Variants in SMG1 observed in about 807,000 individuals in gnomAD.
The protein encoded by SMG1 is SMG1 nonsense mediated mRNA decay associated PI3K related kinase, also known as serine/threonine-protein kinase SMG1.
In SMG1, 22 loss-of-function variants were observed where a neutral mutation model predicts 419.9. The observed-to-expected ratio is 0.05, with a 90% confidence interval of 0.04 to 0.07. SMG1 has a LOEUF of 0.07. Ranked by LOEUF, SMG1 falls within the 10% of genes least tolerant of loss-of-function variation. The probability of loss-of-function intolerance (pLI) is 1.00; values close to 1 mark genes in which losing one functional copy is unlikely to be tolerated. For missense variants in SMG1, 3,185 were observed against 4,342.0 expected (o/e 0.73, Z 7.49); for synonymous variants, 1,538 against 1,553.5 (o/e 0.99, Z 0.23).
rs77477559 is a variant in SMG1 at position 18,835,539 on chromosome 16, G to A, written c.8058-375C>T. On this transcript the variant is annotated intron_variant, in intron 48 of 62. Transcript: ENST00000446231. ...GCCCGTGGTCCCAGCTACTTGGGAG[G>A]CTGAAGTGGGAGGATCACCTGAGCC... Among the ~76,000 whole-genome samples the A allele has an allele frequency of 2.2e-4, 34 of 152,310 alleles. No homozygotes were observed. The East Asian group carries it at 5.0e-3, about 22-fold the overall frequency.
chr16:18,850,206 A>G, intron 34 of SMG1, 31 bp downstream of exon 34: 1 of 1,580,256 alleles, frequency 6.3e-7, no homozygotes. Context: ...AGTTTCCAAA[A>G]TAAATTTTCT....
At position 18,829,392 on chromosome 16, in the gene SMG1, T is replaced by G; in HGVS notation, c.9497A>C (p.Tyr3166Ser). 1 of 1,614,036 alleles carries G rather than the reference T, an allele frequency of 6.2e-7. No individual in the cohort carries two copies. The highest frequency in any genetic ancestry group is 8.5e-7 in the Non-Finnish European group (1 of 1,179,890). The change falls in exon 54 of 63, where the codon TAC (tyrosine) becomes TCC (serine). Residue 3166 changes from tyrosine to serine, a missense_variant. Physicochemically the swap from Tyr to Ser is moderately radical, Grantham distance 144. This residue lies in a region of SMG1 where 737 missense variants were observed against 846.6 expected (regional missense o/e 0.87). Transcript: ENST00000446231. ...MNRATVLASS[Y>S]DTAWKKHDLV... ...GTCATGCTTCTTCCAGGCAGTGTCG[T>G]AAGAACTTGCTAACACAGTTGCCCT...
In SMG1 at chr16:18,872,649, G is replaced by A. The variant is rs982235659; in HGVS notation, c.1891-25C>T. 2.0e-5 allele frequency: 27 copies of A among 1,353,232 alleles called. No individual in the cohort carries two copies. The African/African-American group carries it at 2.2e-4, about 11-fold the overall frequency. The allele number at this position is 1,353,232 out of a possible 1,614,324, so 83.8% of individuals were successfully genotyped here. ...TCTGATCATGTACAAAACAAAGTAA[G>A]TTTATGGCTTCTCCAAAATAAGCAC... On this transcript the variant is annotated intron_variant, in intron 13 of 62. Coordinates refer to ENST00000446231, the MANE Select transcript of SMG1 (RefSeq NM_015092.5).
chr16:18,809,627 T>C lies in SMG1; in HGVS notation c.10928A>G (p.Glu3643Gly). 1 of 1,607,778 alleles carries C rather than the reference T, an allele frequency of 6.2e-7. No individual in the cohort carries two copies. The highest frequency in any genetic ancestry group is 8.5e-7 in the Non-Finnish European group (1 of 1,176,826). The change falls in exon 63 of 63, where the codon GAA becomes GGA. Residue 3643 changes from glutamate to glycine, a missense_variant. Physicochemically the swap from Glu to Gly is moderately conservative, Grantham distance 98. Around this residue, in one of 27 missense-constraint regions of SMG1, gnomAD observed 41 missense variants for 78.7 expected, o/e 0.52. Transcript: ENST00000446231. The part of the protein sequence containing the change: ...VAEQVDYVIK[E>G]ATNLDNLAQL... ...AGCCAAGTTATCTAGATTAGTTGCTTCCTTAATGACATAGTCAACCTGTAA... is the reference window on the plus strand; with the variant it reads ...AGCCAAGTTATCTAGATTAGTTGCTCCCTTAATGACATAGTCAACCTGTAA...
At chr16:18,865,738 C>A (rs2141536205) in intron 23 of SMG1, among the ~76,000 whole-genome samples, 1 of 151,694 alleles carries the variant, frequency 6.6e-6, no homozygotes, top group Middle Eastern at 3.4e-3. Flanking sequence ...CCTGGGCTCA[C>A]AGCAACCTCC....
chr16:18,844,908 C>G (rs755520639), intron 39 of SMG1, among the ~76,000 whole-genome samples: 8 of 152,042 alleles, frequency 5.3e-5, no homozygotes, highest in Non-Finnish European at 1.0e-4. Flanking sequence ...ATTAAGAAAA[C>G]CAAAATATAA....
At chr16:18,826,875 G>A (rs1212297872) in intron 55 of SMG1, among the ~76,000 whole-genome samples, 1 of 46,742 alleles carries the variant, frequency 2.1e-5, no homozygotes, top group South Asian at 7.9e-4. Flanking sequence ...CCGCCTTGCA[G>A]TTTGATCTCA....
rs556456662 is a variant in SMG1 at position 18,815,380 on chromosome 16, T to C, written c.10514+60A>G. On this transcript the variant is annotated intron_variant, in intron 59 of 62. Coordinates refer to ENST00000446231, the MANE Select transcript of SMG1 (RefSeq NM_015092.5). The stretch of plus-strand genomic sequence containing the variant: ...TGAAAAATTAAATCAAGAGATAAAC[T>C]TCTTATACCAGTAGTTTTGTACTTA... 19 of 1,583,870 alleles carry C rather than the reference T, an allele frequency of 1.2e-5. No homozygotes were observed. The African/African-American group carries it at 2.3e-4, about 19-fold the overall frequency.
chr16:18,922,834 C>CT (rs903614471), intron 1 of SMG1, among the ~76,000 whole-genome samples: 3 of 152,012 alleles, frequency 2.0e-5, no homozygotes, highest in African/African-American at 7.2e-5. Context: ...AATCTCAACA[C>CT]TTTGGGAGAC....
chr16:18,897,122 A>G (rs981110486), intron 1 of SMG1, among the ~76,000 whole-genome samples, 166 bp from the exon 2 acceptor site: 6 of 152,246 alleles, frequency 3.9e-5, no homozygotes, highest in Non-Finnish European at 2.9e-5. Context: ...GAAGTCTTTC[A>G]CTGGGAAGAG....
In SMG1 at chr16:18,926,308, C is replaced by G. The variant is rs1419809866; in HGVS notation, c.-267G>C. On this transcript the variant is annotated 5_prime_UTR_variant, in exon 1 of 63. Coordinates refer to ENST00000446231, the MANE Select transcript of SMG1 (RefSeq NM_015092.5). The stretch of plus-strand genomic sequence containing the variant: ...GAGGCGGATGAAGGGGAGGCGACGT[C>G]TTTTCCAGGGCCGTGCGCGGCCCAC... 4.1e-6 allele frequency: 2 copies of G among 485,000 alleles called. No homozygotes were observed. The highest frequency in any genetic ancestry group is 7.2e-6 in the Non-Finnish European group (2 of 276,410). 30.0% of individuals were successfully genotyped at this position (485,000 alleles called of 1,614,324 possible).
At chr16:18,812,579 C>T (rs906934975) in intron 60 of SMG1, among the ~76,000 whole-genome samples, 2 of 149,480 alleles carry the variant, frequency 1.3e-5, no homozygotes, top group East Asian at 1.9e-4. Context: ...TATACACACA[C>T]ATATATATAC....
intron 1 of SMG1, 180 bp downstream of exon 1, chr16:18,925,768 CTT>C: frequency 4.2e-6 from 2 of 481,400 alleles, no homozygotes; most frequent in East Asian, 7.4e-5. Context: ...AGGGGAGGCA[CTT>C]AGGCCTCGCC....
chr16:18,848,346 C>A (rs1163478578), intron 36 of SMG1, among the ~76,000 whole-genome samples: 2 of 145,798 alleles, frequency 1.4e-5, no homozygotes, highest in Non-Finnish European at 3.0e-5. Context: ...GAAACAGGGT[C>A]TAGCTCTGTT....
Position 18,836,052 on chromosome 16 carries a change from G to A in SMG1, c.7938C>T (p.Thr2646=), listed in dbSNP as rs576584946. 52 of 1,600,116 alleles carry A rather than the reference G, an allele frequency of 3.2e-5. No individual in the cohort carries two copies. Among genetic ancestry groups the A allele is most frequent in the South Asian group, 1.0e-4 (9 of 88,606 alleles). Residue 2646 remains threonine, a synonymous_variant, in exon 48 of 63, where the codon ACC becomes ACT. Coordinates refer to ENST00000446231, the MANE Select transcript of SMG1 (RefSeq NM_015092.5). ...TGGCCTTCGGATACTGCAGGGCCAC[G>A]GTTGCATAGTGATGCAGTTGCTCCA... The part of the protein sequence containing the change: ...GCLEQLHHYA[T]VALQYPKAIF...
Position 18,805,265 on chromosome 16 carries a change from T to C in SMG1, c.*4304A>G, listed in dbSNP as rs907952497. 6.6e-6 allele frequency: 1 copy of C among 152,118 alleles called. No individual in the cohort carries two copies. Among genetic ancestry groups the C allele is most frequent in the African/African-American group, 2.4e-5 (1 of 41,422 alleles). The allele number at this position is 152,118 out of a possible 1,614,324, so 9.4% of individuals were successfully genotyped here. ...ACTTTAAAGAGGAGCTGAAACTTTG[T>C]CAAAAAAAGAAAAAACTATTAGCCT... On this transcript the variant is annotated 3_prime_UTR_variant, in exon 63 of 63. Coordinates refer to ENST00000446231, the MANE Select transcript of SMG1 (RefSeq NM_015092.5).
chr16:18,915,296 TA>T (rs1364520017), intron 1 of SMG1, among the ~76,000 whole-genome samples: 2 of 152,060 alleles, frequency 1.3e-5, no homozygotes, highest in African/African-American at 4.8e-5. Flanking sequence ...CTTTCTTCTG[TA>T]AAAAGATCTG....
rs1047026401 is a variant in SMG1 at position 18,860,710 on chromosome 16, T to C, written c.3762A>G (p.Gly1254=). The change falls in exon 26 of 63, where the codon GGA becomes GGG. Residue 1254 remains glycine (G), a synonymous_variant. Coordinates refer to ENST00000446231, the MANE Select transcript of SMG1 (RefSeq NM_015092.5). ...ECTEQLELLP[G]ENINLLAGGS... ...CTCCAGCAAGTAGATTGATATTTTC[T>C]CCTGGTAACAATTCTAACTGCTCGG... The C allele has an allele frequency of 7.1e-6, 11 of 1,560,274 alleles. No homozygotes were observed. Among genetic ancestry groups the C allele is most frequent in the African/African-American group, 1.4e-5 (1 of 73,708 alleles).
intron 1 of SMG1, among the ~76,000 whole-genome samples, chr16:18,901,586 A>C (rs1464103217): frequency 1.3e-5 from 2 of 152,160 alleles, no homozygotes; most frequent in Non-Finnish European, 2.9e-5. Context: ...ACTATTGTAA[A>C]ATTGTAAAGA....
Sources: allele counts gnomAD v4.1 joint callset (sites outside exome capture counted in the v4.1 genomes callset), GRCh38; gene constraint gnomAD v4.1.1; regional missense constraint gnomAD v4.1.1; transcripts MANE v1.5; gene names NCBI Gene and HGNC (gene_info 2026-07-23, HGNC 2026-07-21).